Variants in NT5DC1 observed in about 807,000 individuals in gnomAD.
The protein encoded by NT5DC1 is 5'-nucleotidase domain-containing protein 1.
NT5DC1 carries 42 observed loss-of-function variants against 59.4 expected under a neutral mutation model. That is an observed-to-expected ratio of 0.71 (90% CI 0.55 to 0.92). NT5DC1 has a LOEUF of 0.92. Ranked by LOEUF, NT5DC1 falls within the 40% of genes least tolerant of loss-of-function variation. The pLI is 0.00. For missense variants in NT5DC1, 501 were observed against 537.1 expected, an observed-to-expected ratio of 0.93 and a Z score of 0.66; for synonymous variants, 172 against 188.1, an observed-to-expected ratio of 0.91 and a Z score of 0.70.
intron 3 of NT5DC1, among the ~76,000 whole-genome samples, chr6:116,109,251 T>C (rs1778818798): frequency 6.6e-6 from 1 of 152,216 alleles, no homozygotes; most frequent in Non-Finnish European, 1.5e-5. Flanking sequence ...ATCATTCTTT[T>C]TGCATGATGC....
chr6:116,122,498 T>C (rs932180747), intron 6 of NT5DC1, among the ~76,000 whole-genome samples: 1 of 152,188 alleles, frequency 6.6e-6, no homozygotes, highest in Non-Finnish European at 1.5e-5. Flanking sequence ...TACTCTCCAT[T>C]ATTGACTTAA....
intron 1 of NT5DC1, among the ~76,000 whole-genome samples, chr6:116,102,280 C>G (rs1428248842): frequency 6.6e-6 from 1 of 152,148 alleles, no homozygotes; most frequent in African/African-American, 2.4e-5. Flanking sequence ...AGTGGCTGCC[C>G]GAATTTCTCG....
At chr6:116,171,529 A>G (rs1023555053) in intron 6 of NT5DC1, among the ~76,000 whole-genome samples, 12 of 152,350 alleles carry the variant, frequency 7.9e-5, no homozygotes, top group East Asian at 1.9e-4. Context: ...TGTTTAAACC[A>G]TATGTCATAT....
intron 6 of NT5DC1, among the ~76,000 whole-genome samples, chr6:116,157,485 C>G (rs950096883): frequency 6.6e-6 from 1 of 152,138 alleles, no homozygotes; most frequent in African/African-American, 2.4e-5. Flanking sequence ...TCAGTGAAGT[C>G]TTAAAACTAA....
At position 116,173,711 on chromosome 6, in the gene NT5DC1, T is replaced by C. The variant is rs1460937856; in HGVS notation, c.530-47343T>C. On this transcript the variant is annotated intron_variant, in intron 6 of 11. Transcript: ENST00000319550. ...TTTGGTTGTCTTATACACTTTGTTT[T>C]GGAATAATCCCTAAATGTATAGAAA... Among the ~76,000 whole-genome samples, 3 of 152,210 alleles carry C rather than the reference T, an allele frequency of 2.0e-5. No homozygotes were observed. In the East Asian group the frequency reaches 5.8e-4, roughly 29 times the overall value.
intron 6 of NT5DC1, among the ~76,000 whole-genome samples, chr6:116,170,939 A>C (rs538262171): frequency 6.6e-6 from 1 of 152,282 alleles, no homozygotes; most frequent in African/African-American, 2.4e-5. Context: ...CTAGCCTGTC[A>C]AACCTCATTC....
At chr6:116,220,121 CCTTTTTTT>C (rs1348620521) in intron 6 of NT5DC1, among the ~76,000 whole-genome samples, 1 of 108,318 alleles carries the variant, frequency 9.2e-6, no homozygotes, top group African/African-American at 4.4e-5. Flanking sequence ...AGCTGTTTAA[CCTTTTTTT>C]TTTTTTTTTT....
intron 6 of NT5DC1, among the ~76,000 whole-genome samples, chr6:116,200,180 G>T: frequency 6.6e-6 from 1 of 151,898 alleles, no homozygotes; most frequent in Non-Finnish European, 1.5e-5. Flanking sequence ...GAAAAAGTCA[G>T]ACAAATCCCA....
chr6:116,221,242 C>T lies in NT5DC1; in HGVS notation c.704+14C>T, dbSNP rs1781794672. The T allele has an allele frequency of 5.3e-6, 8 of 1,509,394 alleles. No individual in the cohort carries two copies. The East Asian group carries it at 1.1e-4, about 21-fold the overall frequency. 93.5% of individuals were successfully genotyped at this position (1,509,394 alleles called of 1,614,324 possible). A position where few individuals can be genotyped will look rare whatever the true frequency, so the allele number is the denominator to read the frequency against. ...ATATATTCTTGGGTGAGTGATGAGT[C>T]ATTCAGTTTTCATTGTCTTATGAAA... is the stretch of plus-strand genomic sequence containing the variant. On this transcript the variant is annotated intron_variant, in intron 7 of 11. Transcript: ENST00000319550.
chr6:116,101,742 G>C (rs1426201526), intron 1 of NT5DC1, among the ~76,000 whole-genome samples: 1 of 152,156 alleles, frequency 6.6e-6, no homozygotes, highest in Non-Finnish European at 1.5e-5. Context: ...CATGCTTCCA[G>C]ACCTGTACAC....
intron 8 of NT5DC1, among the ~76,000 whole-genome samples, chr6:116,226,750 TAATA>T (rs1289851902): frequency 6.6e-6 from 1 of 152,092 alleles, no homozygotes; most frequent in African/African-American, 2.4e-5. Context: ...CACATCCTGA[TAATA>T]AATATACCAT....
At position 116,221,099 on chromosome 6, in the gene NT5DC1, G is replaced by GAT. The variant is rs772604927; in HGVS notation, c.578_579dup (p.Leu194IlefsTer9). On this transcript the variant is annotated frameshift_variant, in exon 7 of 12. Transcript: ENST00000319550. LOFTEE classifies it high-confidence loss of function. Reference sequence around the variant, plus strand: ...CCAGAAATAAAAAGAGATCCAGGCAGATATTTACATAGTTGTCCTGAATCT... The same window carrying GAT: ...CCAGAAATAAAAAGAGATCCAGGCAGATATATTTACATAGTTGTCCTGAATCT... The GAT allele has an allele frequency of 6.4e-7, 1 of 1,564,400 alleles. No individual in the cohort carries two copies. Among genetic ancestry groups the GAT allele is most frequent in the South Asian group, 1.1e-5 (1 of 89,598 alleles).
chr6:116,150,637 A>T (rs1315048729), intron 6 of NT5DC1, among the ~76,000 whole-genome samples: 1 of 152,204 alleles, frequency 6.6e-6, no homozygotes, highest in African/African-American at 2.4e-5. Context: ...AAGTCCCTGG[A>T]CAAGAGTGAG....
intron 6 of NT5DC1, among the ~76,000 whole-genome samples, chr6:116,219,741 G>A (rs1243208480): frequency 6.6e-6 from 1 of 152,034 alleles, no homozygotes; most frequent in African/African-American, 2.4e-5. Context: ...GGATTGTGAG[G>A]TCAAGAGATC....
rs1782029794 is a variant in NT5DC1, at chr6:116,232,104, C to T, written c.803-4862C>T. Among the ~76,000 whole-genome samples the T allele has an allele frequency of 1.3e-5, 2 of 151,774 alleles. 1 individual carries two copies. The highest frequency in any genetic ancestry group is 1.3e-4 in the Admixed American group (2 of 15,220). ...TGGTTGTTTTCTGCCTGTGTCTTCA[C>T]ATAGTCTTTCCTCTGTGTCTATCTG... On this transcript the variant is annotated intron_variant, in intron 8 of 11. Transcript: ENST00000319550.
At chr6:116,228,775 G>C (rs1427436985) in intron 8 of NT5DC1, among the ~76,000 whole-genome samples, 1 of 152,068 alleles carries the variant, frequency 6.6e-6, no homozygotes, top group East Asian at 1.9e-4. Context: ...TTCTGCTGCT[G>C]ATTCTGATTC....
intron 6 of NT5DC1, among the ~76,000 whole-genome samples, chr6:116,180,491 G>A (rs11969766): frequency 8.9e-4 from 135 of 152,166 alleles, no homozygotes; most frequent in African/African-American, 3.2e-3. Context: ...TAAAACTTAA[G>A]TGAAACTTCA....
At chr6:116,108,707 T>C (rs921595310) in intron 3 of NT5DC1, among the ~76,000 whole-genome samples, 15 of 152,208 alleles carry the variant, frequency 9.9e-5, no homozygotes, top group African/African-American at 3.4e-4. Flanking sequence ...CTACGTCTCA[T>C]TGACCACTCC....
At chr6:116,125,844 G>A (rs1034082285) in intron 6 of NT5DC1, 13 of 206,874 alleles carry the variant, frequency 6.3e-5, no homozygotes, top group Admixed American at 1.6e-4. Context: ...ACTGAAATTC[G>A]GATTAGGGCA....
Sources: gnomAD v4.1 joint callset for allele counts (sites outside exome capture counted in the v4.1 genomes callset) on GRCh38, gnomAD v4.1.1 for gene constraint, MANE v1.5 for transcripts, NCBI Gene and HGNC (gene_info 2026-07-23, HGNC 2026-07-21) for gene names.